Variants in SMARCA4 observed in about 807,000 individuals in gnomAD.
The protein encoded by SMARCA4 is SWI/SNF-related matrix-associated actin-dependent regulator of chromatin subfamily A member 4.
In SMARCA4, 31 loss-of-function variants were observed where a neutral mutation model predicts 193.9. The ratio of observed to expected loss-of-function variants is 0.16; its 90% CI spans 0.12 to 0.22. The LOEUF is 0.22. SMARCA4 is among the 10% of genes least tolerant of loss of function. The pLI, the probability that SMARCA4 is intolerant of heterozygous loss-of-function variation, is 1.00. For synonymous variants in SMARCA4, 942 were observed against 933.1 expected (o/e 1.01, Z -0.17); for missense variants, 1,148 against 2,296.0 (o/e 0.50, Z 10.22).
rs78665011 is a variant in SMARCA4 at position 11,036,678 on chromosome 19, G to A, written c.4170+1546G>A. ...CATACCATACAGTTCACCCTTTTGGGGTATATGATACAATCATCTTCAGTG... is the reference window on the plus strand; with the variant it reads ...CATACCATACAGTTCACCCTTTTGGAGTATATGATACAATCATCTTCAGTG... On this transcript the variant is annotated intron_variant, in intron 29 of 34. Coordinates refer to ENST00000344626, the MANE Select transcript of SMARCA4 (RefSeq NM_003072.5). 1.1e-3 allele frequency among the ~76,000 whole-genome samples: 162 copies of A among 152,068 alleles called. 2 individuals carry two copies. The East Asian group carries it at 0.027, about 25-fold the overall frequency.
At chr19:11,047,757 T>C in intron 30 of SMARCA4, 1 of 152,242 alleles carries the variant, frequency 6.6e-6, no homozygotes, top group East Asian at 1.9e-4. Context: ...CACAGCTGGC[T>C]ACCCACGTGG....
At chr19:10,997,355 C>T (rs527396781) in intron 11 of SMARCA4, among the ~76,000 whole-genome samples, 9 of 152,212 alleles carry the variant, frequency 5.9e-5, no homozygotes, top group Admixed American at 3.3e-4. Context: ...CCTGCTACCA[C>T]GCCCGGCTAA....
At chr19:11,044,996 A>G (rs7255051) in intron 30 of SMARCA4, among the ~76,000 whole-genome samples, 4,587 of 152,310 alleles carry the variant, frequency 0.03, 110 homozygotes, top group Non-Finnish European at 0.049. Flanking sequence ...AGAAGCTTAC[A>G]TTTTGTTGAG....
intron 1 of SMARCA4, among the ~76,000 whole-genome samples, chr19:10,963,676 C>T (rs2083991490): frequency 6.6e-6 from 1 of 152,158 alleles, no homozygotes; most frequent in Non-Finnish European, 1.5e-5. Context: ...ACGAGGATGC[C>T]CGAAACTTCA....
At chr19:11,061,200 AAAAAATATATATATATAT>A (rs1215467558) in intron 34 of SMARCA4, among the ~76,000 whole-genome samples, 7 of 70,568 alleles carry the variant, frequency 9.9e-5, no homozygotes, top group Non-Finnish European at 1.6e-4. Flanking sequence ...AAAAAAAAAA[AAAAAATATATATATATAT>A]ATATATATAT....
intron 30 of SMARCA4, among the ~76,000 whole-genome samples, chr19:11,044,618 C>G (rs544052215): frequency 3.3e-5 from 5 of 152,184 alleles, no homozygotes; most frequent in African/African-American, 1.2e-4. Flanking sequence ...CCAGAACGGC[C>G]GAATGCCCAT....
At chr19:11,049,665 G>A (rs2076149011) in intron 30 of SMARCA4, among the ~76,000 whole-genome samples, 1 of 152,092 alleles carries the variant, frequency 6.6e-6, no homozygotes. Flanking sequence ...GTGTGTCAGG[G>A]GGCACACCCT....
Position 10,995,019 on chromosome 19 carries a change from TG to T in SMARCA4, c.1593+19del. On this transcript the variant is annotated intron_variant, in intron 9 of 34. Coordinates refer to ENST00000344626, the MANE Select transcript of SMARCA4 (RefSeq NM_003072.5). ...GGCTCATGGTATGGTCCTGCCTTCT[TG>T]ACGTGCGCTCTTCTACATGTGTAGC... 1 of 1,596,300 alleles carries T rather than the reference TG, an allele frequency of 6.3e-7. No homozygotes were observed. Among genetic ancestry groups the T allele is most frequent in the Non-Finnish European group, 8.5e-7 (1 of 1,170,332 alleles).
rs535359026 is a variant in SMARCA4, at chr19:11,023,172, G to A, written c.2860-346G>A. ...GCAGCGCTCCTGGCATGAGCTTGGC[G>A]TGGGGTGGGTCTGTGGACACTCCAG... is the stretch of plus-strand genomic sequence containing the variant. On this transcript the variant is annotated intron_variant, in intron 19 of 34. Transcript: ENST00000344626. Among the ~76,000 whole-genome samples the A allele has an allele frequency of 5.3e-5, 8 of 152,292 alleles. No homozygotes were observed. The East Asian group carries it at 5.8e-4, about 11-fold the overall frequency.
chr19:10,963,000 C>T (rs1760043334), intron 1 of SMARCA4, among the ~76,000 whole-genome samples: 2 of 152,118 alleles, frequency 1.3e-5, no homozygotes, highest in Admixed American at 1.3e-4. Flanking sequence ...CTGGGCCTGA[C>T]ACATAGTAGG....
At chr19:11,021,589 C>T (rs1568486310) in intron 18 of SMARCA4, 136 bp from the exon 19 acceptor site, 15 of 1,122,614 alleles carry the variant, frequency 1.3e-5, no homozygotes, top group South Asian at 5.3e-5. Context: ...GGCAGGACGT[C>T]AGGCCTGTGC....
intron 22 of SMARCA4, 62 bp from the exon 23 acceptor site, chr19:11,026,238 C>A (rs2146512464): frequency 7.5e-7 from 1 of 1,338,636 alleles, no homozygotes; most frequent in Non-Finnish European, 1.1e-6. Flanking sequence ...TGTGTGCGGA[C>A]CGCAGCGGGG....
chr19:10,986,236 C>G lies in SMARCA4; in HGVS notation c.403C>G (p.Pro135Ala), dbSNP rs150949949. Residue 135 changes from proline (P) to alanine (A), a missense_variant, in exon 4 of 35, where the codon CCA becomes GCA. By Grantham distance (27) the Pro-to-Ala change is conservative (BLOSUM62 -1). This residue lies in a region of SMARCA4 where 201 missense variants were observed against 248.3 expected (regional missense o/e 0.81). Coordinates refer to ENST00000344626, the MANE Select transcript of SMARCA4 (RefSeq NM_003072.5). The surrounding 1 kb of genome is among the most constrained non-coding windows in gnomAD (Gnocchi z 6.7). ...GGSEHASSPV[P>A]ASGPSSGPQM... ...CTCTGAGCATGCCTCTAGTCCAGTT[C>G]CAGCCAGTGGCCCGTCTTCGGGGCC... 231 of 1,613,856 alleles carry G rather than the reference C, an allele frequency of 1.4e-4. No homozygotes were observed. The highest frequency in any genetic ancestry group is 1.3e-3 in the Middle Eastern group (8 of 6,084).
At chr19:11,054,386 TG>T in intron 30 of SMARCA4, among the ~76,000 whole-genome samples, 1 of 152,290 alleles carries the variant, frequency 6.6e-6, no homozygotes, top group South Asian at 2.1e-4. Flanking sequence ...AGGCCAGGTT[TG>T]GGGGCTCCCC....
intron 1 of SMARCA4, among the ~76,000 whole-genome samples, chr19:10,970,188 G>A (rs924340801): frequency 6.6e-6 from 1 of 152,178 alleles, no homozygotes; most frequent in African/African-American, 2.4e-5. Flanking sequence ...TGGCATGTAC[G>A]GAGGGGCCAT....
chr19:10,993,522 G>A (rs564871773), intron 8 of SMARCA4, among the ~76,000 whole-genome samples: 2 of 152,216 alleles, frequency 1.3e-5, no homozygotes, highest in African/African-American at 4.8e-5. Context: ...GGAATAAGTT[G>A]GGTGAAGGGT....
At position 11,061,929 on chromosome 19, in the gene SMARCA4, A is replaced by G; in HGVS notation, c.*113A>G. 2 of 1,012,604 alleles carry G rather than the reference A, an allele frequency of 2.0e-6. No homozygotes were observed. Among genetic ancestry groups the G allele is most frequent in the East Asian group, 2.4e-5 (1 of 41,762 alleles). The allele number at this position is 1,012,604 out of a possible 1,614,324, so 62.7% of individuals were successfully genotyped here. On this transcript the variant is annotated 3_prime_UTR_variant, in exon 35 of 35. Coordinates refer to ENST00000344626, the MANE Select transcript of SMARCA4 (RefSeq NM_003072.5). ...AGTTTCAGACTTGGAGTAAAACTGT[A>G]TAAACAAAAGAATCTTCCATATTTA...
At chr19:10,974,039 AATT>A (rs1297248472) in intron 1 of SMARCA4, among the ~76,000 whole-genome samples, 1 of 152,180 alleles carries the variant, frequency 6.6e-6, no homozygotes, top group African/African-American at 2.4e-5. Context: ...TCCGTGAACA[AATT>A]TCCCCAAGCC....
chr19:10,968,998 C>T (rs1192550750), intron 1 of SMARCA4, among the ~76,000 whole-genome samples: 1 of 152,198 alleles, frequency 6.6e-6, no homozygotes, highest in Non-Finnish European at 1.5e-5. Flanking sequence ...CCTTCCTCGA[C>T]CTTCAAGGTT....
Sources: allele counts gnomAD v4.1 joint callset (sites outside exome capture counted in the v4.1 genomes callset), GRCh38; gene constraint gnomAD v4.1.1; regional missense constraint gnomAD v4.1.1; non-coding constraint Gnocchi (gnomAD v3.1); transcripts MANE v1.5; gene names NCBI Gene and HGNC (gene_info 2026-07-23, HGNC 2026-07-21).